The following COMMD1 variants were observed in gnomAD, a reference collection of about 807,000 sequenced individuals.
The protein encoded by COMMD1 is copper metabolism domain containing 1, also known as COMM domain-containing protein 1.
In COMMD1, 10 loss-of-function variants were observed where a neutral mutation model predicts 17.2. That is an observed-to-expected ratio of 0.58 (90% CI 0.36 to 0.99). COMMD1 has a LOEUF of 0.99. Ranked by LOEUF, COMMD1 falls within the 50% of genes least tolerant of loss-of-function variation. The probability of loss-of-function intolerance (pLI) is 0.01; values close to 1 mark genes in which losing one functional copy is unlikely to be tolerated. For synonymous variants in COMMD1, 97 were observed against 91.6 expected (o/e 1.06, Z -0.34); for missense variants, 270 against 231.8 (o/e 1.17, Z -1.07).
At chr2:62,020,671 G>A (rs1022906894) in intron 2 of COMMD1, among the ~76,000 whole-genome samples, 7 of 152,064 alleles carry the variant, frequency 4.6e-5, no homozygotes, top group East Asian at 1.9e-4. Context: ...TTGAAATTCC[G>A]CTGAGAGGCA....
intron 1 of COMMD1, among the ~76,000 whole-genome samples, chr2:61,954,823 A>T (rs903191618): frequency 7.9e-5 from 12 of 152,058 alleles, no homozygotes; most frequent in Non-Finnish European, 1.6e-4. Flanking sequence ...CTGGGATTAC[A>T]AGGGTGGGAT....
At chr2:62,015,273 C>G (rs886220091) in intron 2 of COMMD1, among the ~76,000 whole-genome samples, 65 of 152,174 alleles carry the variant, frequency 4.3e-4, no homozygotes, top group Non-Finnish European at 8.5e-4. Flanking sequence ...TAGAACCACA[C>G]AATATTTGTC....
chr2:62,060,807 C>T (rs572182377), intron 2 of COMMD1, among the ~76,000 whole-genome samples: 5 of 152,244 alleles, frequency 3.3e-5, no homozygotes, highest in South Asian at 2.1e-4. Flanking sequence ...ACAGTTTTTG[C>T]TCTTCCCCTT....
chr2:61,963,220 CATATAT>C (rs1455743948), intron 1 of COMMD1, among the ~76,000 whole-genome samples: 2 of 133,228 alleles, frequency 1.5e-5, no homozygotes, highest in African/African-American at 3.4e-5. Context: ...CACACACACA[CATATAT>C]ACATATATAC....
chr2:62,012,562 C>T (rs564654465), intron 2 of COMMD1, among the ~76,000 whole-genome samples: 36 of 152,098 alleles, frequency 2.4e-4, no homozygotes, highest in Admixed American at 2.0e-3. Context: ...AGTTGATCCA[C>T]CCGCCTGGGC....
At chr2:61,934,339 G>GGAAA (rs1311264765) in intron 1 of COMMD1, among the ~76,000 whole-genome samples, 1 of 152,092 alleles carries the variant, frequency 6.6e-6, no homozygotes, top group African/African-American at 2.4e-5. Flanking sequence ...TAGGCTTGAG[G>GGAAA]GAAAACTCAT....
chr2:62,094,031 C>T (rs975478413), intron 2 of COMMD1, among the ~76,000 whole-genome samples: 1 of 152,156 alleles, frequency 6.6e-6, no homozygotes, highest in Non-Finnish European at 1.5e-5. Context: ...CCCTGGTTGT[C>T]CCTTAAATAA....
chr2:62,067,072 G>A (rs929522115), intron 2 of COMMD1, among the ~76,000 whole-genome samples: 1 of 151,870 alleles, frequency 6.6e-6, no homozygotes, highest in Admixed American at 6.6e-5. Context: ...TAAAATCCTA[G>A]GTTCCGGCCG....
intron 2 of COMMD1, among the ~76,000 whole-genome samples, chr2:62,066,643 T>C (rs1007129571): frequency 5.3e-5 from 8 of 151,776 alleles, no homozygotes; most frequent in African/African-American, 1.5e-4. Flanking sequence ...CCTCGTGATC[T>C]GCCCGCCTTG....
At chr2:61,925,475 C>T (rs1042505223) in intron 1 of COMMD1, among the ~76,000 whole-genome samples, 30 of 152,056 alleles carry the variant, frequency 2.0e-4, no homozygotes, top group African/African-American at 6.8e-4. Flanking sequence ...CACCTTGTGA[C>T]GTTTATTACA....
Position 62,000,742 on chromosome 2 carries a change from A to G in COMMD1, c.222A>G (p.Ala74=), listed in dbSNP as rs150212839. Residue 74 remains alanine (A), a synonymous_variant, in exon 2 of 3, where the codon GCA becomes GCG. Coordinates refer to ENST00000311832, the MANE Select transcript of COMMD1 (RefSeq NM_152516.4). The part of the protein sequence containing the change: ...SADMDFNQLE[A]FLTAQTKKQG... ...ACATGGATTTCAACCAGCTGGAGGC[A>G]TTCTTGACTGCTCAAACCAAAAAGC... The G allele has an allele frequency of 5.0e-6, 8 of 1,614,180 alleles. No individual in the cohort carries two copies. Among genetic ancestry groups the G allele is most frequent in the Admixed American group, 1.7e-5 (1 of 60,016 alleles).
At chr2:61,944,493 C>G (rs1444709961) in intron 1 of COMMD1, among the ~76,000 whole-genome samples, 1 of 151,900 alleles carries the variant, frequency 6.6e-6, no homozygotes, top group African/African-American at 2.4e-5. Flanking sequence ...AAGAATGCAC[C>G]TCCGAACTAG....
chr2:61,935,724 C>T (rs1474019003), intron 1 of COMMD1, among the ~76,000 whole-genome samples: 1 of 152,018 alleles, frequency 6.6e-6, no homozygotes, highest in Admixed American at 6.6e-5. Context: ...ATGAAGACCA[C>T]TCTTGTTTCC....
intron 2 of COMMD1, among the ~76,000 whole-genome samples, chr2:62,020,158 G>T (rs1331774028): frequency 6.6e-6 from 1 of 152,190 alleles, no homozygotes; most frequent in Non-Finnish European, 1.5e-5. Flanking sequence ...AACTAAAGAG[G>T]CAAATTGTTT....
At chr2:61,998,520 A>G (rs1668833639) in intron 1 of COMMD1, among the ~76,000 whole-genome samples, 1 of 152,010 alleles carries the variant, frequency 6.6e-6, no homozygotes, top group Admixed American at 6.6e-5. Context: ...TCGGCCTCCC[A>G]AAGTGCTGGG....
intron 2 of COMMD1, among the ~76,000 whole-genome samples, chr2:62,078,552 C>CA (rs34983790): frequency 0.23 from 20,337 of 86,542 alleles, 2,070 homozygotes; most frequent in African/African-American, 0.31. Context: ...GACTCCGTCT[C>CA]AAAAAAAAAA....
intron 2 of COMMD1, among the ~76,000 whole-genome samples, chr2:62,025,053 C>T (rs1252843130): frequency 3.3e-5 from 5 of 152,064 alleles, no homozygotes; most frequent in Non-Finnish European, 7.4e-5. Context: ...AACCCTGTCT[C>T]TGCCAAAAAT....
upstream of COMMD1, chr2:61,888,682 G>C: frequency 1.4e-6 from 1 of 721,902 alleles, no homozygotes; most frequent in South Asian, 1.9e-5. Flanking sequence ...GCGCGGCGCT[G>C]GCGTGACGTA....
intron 1 of COMMD1, chr2:61,928,727 A>G (rs1432838043): frequency 6.6e-6 from 1 of 152,196 alleles, no homozygotes; most frequent in East Asian, 1.9e-4. Flanking sequence ...GGCTAAAGGC[A>G]TTTGAGAAAA....
Sources: allele counts gnomAD v4.1 joint callset (sites outside exome capture counted in the v4.1 genomes callset), GRCh38; gene constraint gnomAD v4.1.1; transcripts MANE v1.5; gene names NCBI Gene and HGNC (gene_info 2026-07-23, HGNC 2026-07-21).